The following ZFHX3 variants were observed in gnomAD, a reference collection of about 807,000 sequenced individuals.
The protein encoded by ZFHX3 is zinc finger homeobox protein 3.
ZFHX3 carries 42 observed loss-of-function variants against 279.1 expected under a neutral mutation model. That is an observed-to-expected ratio of 0.15 (90% confidence interval 0.12 to 0.19). The LOEUF is 0.19. Ranked by LOEUF, ZFHX3 falls within the 10% of genes least tolerant of loss-of-function variation. ZFHX3 has a pLI of 1.00. For synonymous variants in ZFHX3, 2,293 were observed against 1,957.8 expected (o/e 1.17, Z -4.52); for missense variants, 4,981 against 4,754.0 (o/e 1.05, Z -1.40).
intron 2 of ZFHX3, among the ~76,000 whole-genome samples, chr16:73,577,384 C>T (rs2051811959): frequency 6.6e-6 from 1 of 152,248 alleles, no homozygotes; most frequent in South Asian, 2.1e-4. Context: ...ACAAAATACA[C>T]TGACTAAAGA....
rs1422448168 is a variant in ZFHX3, at chr16:72,957,491, C to G, written c.2655G>C (p.Gln885His). 6.2e-7 allele frequency: 1 copy of G among 1,614,134 alleles called. No individual in the cohort carries two copies. Among genetic ancestry groups the G allele is most frequent in the Non-Finnish European group, 8.5e-7 (1 of 1,180,024 alleles). ...CCAGCTGGAATCCGCTCATCATGAA[C>G]TGGGCGTCCGAGGCAGCACTGTCCA... ...LKMDSAASDA[Q>H]FMMSGFQLDP... The change falls in exon 2 of 10, where the codon CAG becomes CAC. Residue 885 changes from glutamine to histidine, a missense_variant. Around this residue, in one of 7 missense-constraint regions of ZFHX3, gnomAD observed 1,751 missense variants for 1,770.0 expected, o/e 0.99. Coordinates refer to ENST00000268489, the MANE Select transcript of ZFHX3 (RefSeq NM_006885.4).
At chr16:73,454,304 G>C (rs1294345650) in intron 3 of ZFHX3, among the ~76,000 whole-genome samples, 3 of 152,150 alleles carry the variant, frequency 2.0e-5, no homozygotes, top group Non-Finnish European at 4.4e-5. Context: ...AATCCAGACA[G>C]AACCATGTTC....
Position 72,950,872 on chromosome 16 carries a change from T to C in ZFHX3, c.2813A>G (p.Asn938Ser). The C allele has an allele frequency of 6.2e-7, 1 of 1,614,088 alleles. No individual in the cohort carries two copies. Among genetic ancestry groups the C allele is most frequent in the Non-Finnish European group, 8.5e-7 (1 of 1,180,036 alleles). ...MNLGESFIQT[N>S]DPSLKLFQCA... ...CTGGAAGAGCTTCAGCGACGGGTCG[T>C]TGGTCTGGATGAAGCTCTCGCCCAG... The change falls in exon 3 of 10, where the codon AAC becomes AGC. Residue 938 changes from asparagine to serine, a missense_variant. Physicochemically the swap from Asn to Ser is conservative, Grantham distance 46 (BLOSUM62 1). Transcript: ENST00000268489.
Position 73,536,062 on chromosome 16 carries a change from AGC to A in ZFHX3, c.-1546-79806_-1546-79805del, listed in dbSNP as rs373915853. Among the ~76,000 whole-genome samples the A allele has an allele frequency of 3.3e-4, 50 of 152,172 alleles. No homozygotes were observed. In the South Asian group the frequency reaches 0.01, roughly 32 times the overall value. On this transcript the variant is annotated intron_variant, in intron 2 of 17. Coordinates refer to the ZFHX3 transcript ENST00000641206. ...AATACAAATTTTCTATCACTGTGTA[AGC>A]TGGAGATGGTTTTAGATACTTGCAA...
intron 2 of ZFHX3, among the ~76,000 whole-genome samples, chr16:73,667,518 A>G (rs1422766733): frequency 2.0e-5 from 3 of 152,198 alleles, no homozygotes; most frequent in African/African-American, 7.2e-5. Context: ...AAGTGGTTGT[A>G]CCATTTTGTA....
intron 7 of ZFHX3, among the ~76,000 whole-genome samples, chr16:72,803,801 A>T (rs148457580): frequency 2.0e-5 from 3 of 152,206 alleles, no homozygotes; most frequent in Non-Finnish European, 2.9e-5. Context: ...AGAAGACAAA[A>T]GTTTTTCTGG....
intron 1 of ZFHX3, among the ~76,000 whole-genome samples, chr16:73,706,057 C>A (rs570339730): frequency 2.0e-5 from 3 of 152,296 alleles, no homozygotes; most frequent in African/African-American, 7.2e-5. Context: ...GTAATCCCAG[C>A]ACTTTGGGAA....
intron 5 of ZFHX3, among the ~76,000 whole-genome samples, chr16:73,180,877 G>T (rs1309236964): frequency 6.6e-6 from 1 of 152,064 alleles, no homozygotes; most frequent in Non-Finnish European, 1.5e-5. Flanking sequence ...TGGTCAGGCT[G>T]GTCTCAAACT....
intron 2 of ZFHX3, among the ~76,000 whole-genome samples, chr16:73,489,383 G>A (rs1193483287): frequency 2.6e-5 from 4 of 152,158 alleles, no homozygotes; most frequent in Non-Finnish European, 5.9e-5. Flanking sequence ...AAAGTGAGAT[G>A]AGCAACGTAG....
At chr16:73,490,548 A>G (rs2019042303) in intron 2 of ZFHX3, among the ~76,000 whole-genome samples, 1 of 152,366 alleles carries the variant, frequency 6.6e-6, no homozygotes, top group Admixed American at 6.5e-5. Context: ...GCGTTAAAAC[A>G]ATAAAATAGG....
intron 1 of ZFHX3, among the ~76,000 whole-genome samples, chr16:72,963,144 C>T (rs1961666076): frequency 1.3e-5 from 2 of 152,128 alleles, no homozygotes; most frequent in African/African-American, 2.4e-5. Context: ...CCCAGTGGGT[C>T]CCCGCACTTT....
chr16:73,740,595 A>C (rs1041530781), intron 1 of ZFHX3, among the ~76,000 whole-genome samples: 2 of 152,218 alleles, frequency 1.3e-5, no homozygotes, highest in Non-Finnish European at 2.9e-5. Context: ...GATGGTATTC[A>C]TTTTACCATG....
intron 3 of ZFHX3, among the ~76,000 whole-genome samples, chr16:73,403,704 C>A (rs116398047): frequency 6.6e-6 from 1 of 152,122 alleles, no homozygotes; most frequent in Admixed American, 6.5e-5. Context: ...AAAGGCTGGC[C>A]GGTGGCGAAC....
chr16:73,362,023 A>T (rs1567460884), intron 3 of ZFHX3, among the ~76,000 whole-genome samples: 1 of 152,178 alleles, frequency 6.6e-6, no homozygotes, highest in South Asian at 2.1e-4. Flanking sequence ...GTCATTTCTC[A>T]TATCCTCATG....
chr16:72,865,461 C>T (rs141627411), intron 4 of ZFHX3, among the ~76,000 whole-genome samples: 516 of 152,340 alleles, frequency 3.4e-3, no homozygotes, highest in Middle Eastern at 6.8e-3. Flanking sequence ...GCTGTGACAG[C>T]CCTTGTTAAC....
At chr16:73,678,306 T>C (rs891197919) in intron 2 of ZFHX3, among the ~76,000 whole-genome samples, 3 of 152,126 alleles carry the variant, frequency 2.0e-5, no homozygotes, top group Admixed American at 6.6e-5. Flanking sequence ...CTATTGGTTA[T>C]TGGGAATGAA....
intron 4 of ZFHX3, among the ~76,000 whole-genome samples, chr16:73,304,116 C>G (rs2015124377): frequency 6.6e-6 from 1 of 152,152 alleles, no homozygotes; most frequent in African/African-American, 2.4e-5. Context: ...CAGCCTCCCA[C>G]CAGTCTCAGC....
chr16:73,160,032 G>T (rs752655778), intron 5 of ZFHX3, among the ~76,000 whole-genome samples: 24 of 152,246 alleles, frequency 1.6e-4, no homozygotes, highest in Non-Finnish European at 2.6e-4. Context: ...TAAAGTGCTG[G>T]GATTACAGGC....
At chr16:73,328,575 T>C (rs1012773266) in intron 3 of ZFHX3, among the ~76,000 whole-genome samples, 9 of 152,180 alleles carry the variant, frequency 5.9e-5, no homozygotes, top group Non-Finnish European at 1.2e-4. Flanking sequence ...ACCACATAGC[T>C]AGAAGTTAAC....
Sources: allele counts gnomAD v4.1 joint callset (sites outside exome capture counted in the v4.1 genomes callset), GRCh38; gene constraint gnomAD v4.1.1; regional missense constraint gnomAD v4.1.1; transcripts MANE v1.5; gene names NCBI Gene and HGNC (gene_info 2026-07-23, HGNC 2026-07-21).